NTRK2: variants seen among roughly 807,000 people sequenced by gnomAD.
The protein encoded by NTRK2 is neurotrophic receptor tyrosine kinase 2.
A neutral mutation model predicts 94.5 loss-of-function variants in NTRK2; 13 were observed. That is an observed-to-expected ratio of 0.14 (90% CI 0.09 to 0.22). NTRK2 has a LOEUF of 0.22. Ranked by LOEUF, NTRK2 falls within the 10% of genes least tolerant of loss-of-function variation. NTRK2 has a pLI of 1.00. For synonymous variants in NTRK2, 372 were observed against 407.4 expected (o/e 0.91, Z 1.05); for missense variants, 639 against 1,071.2 (o/e 0.60, Z 5.63).
intron 17 of NTRK2, among the ~76,000 whole-genome samples, chr9:85,011,703 T>C (rs1226642802): frequency 1.3e-5 from 2 of 152,198 alleles, no homozygotes; most frequent in Non-Finnish European, 2.9e-5. Flanking sequence ...TCTGTTGGTC[T>C]GTGGAACTTT....
At chr9:84,979,235 T>G (rs1328038431) in intron 17 of NTRK2, among the ~76,000 whole-genome samples, 2 of 152,246 alleles carry the variant, frequency 1.3e-5, no homozygotes, top group East Asian at 3.8e-4. Flanking sequence ...CTGGAACATA[T>G]TCCCCATTCT....
At chr9:84,981,004 C>T (rs1289928448) in intron 17 of NTRK2, among the ~76,000 whole-genome samples, 1 of 152,198 alleles carries the variant, frequency 6.6e-6, no homozygotes, top group East Asian at 1.9e-4. Context: ...ATGGCAAAAT[C>T]AACCAGATTT....
intron 14 of NTRK2, among the ~76,000 whole-genome samples, chr9:84,880,334 C>A (rs891083284): frequency 6.6e-6 from 1 of 152,164 alleles, no homozygotes; most frequent in African/African-American, 2.4e-5. Context: ...TGGGCAGGGT[C>A]ACCCTGTACA....
chr9:84,879,145 AGAGAGAGAGACAGAGAGAGAGT>A (rs2076179536), intron 14 of NTRK2, among the ~76,000 whole-genome samples: 2 of 152,104 alleles, frequency 1.3e-5, no homozygotes, highest in Admixed American at 1.3e-4. Context: ...AAAGAGAGAG[AGAGAGAGAGACAGAGAGAGAGT>A]GAGAGAGAGA....
chr9:84,727,988 G>A, intron 9 of NTRK2, 29 bp downstream of exon 9: 1 of 1,601,864 alleles, frequency 6.2e-7, no homozygotes. Context: ...TGTATGTGGG[G>A]AGAAGATAAA....
At chr9:84,816,414 C>T (rs1181974824) in intron 12 of NTRK2, among the ~76,000 whole-genome samples, 2 of 152,088 alleles carry the variant, frequency 1.3e-5, no homozygotes, top group Non-Finnish European at 2.9e-5. Flanking sequence ...CTAAATCAGA[C>T]TTAGGGATTG....
chr9:84,759,177 TC>T (rs1230408796), intron 12 of NTRK2, among the ~76,000 whole-genome samples: 1 of 152,216 alleles, frequency 6.6e-6, no homozygotes, highest in African/African-American at 2.4e-5. Flanking sequence ...GTCCAAGTGT[TC>T]CTTTTCTGTT....
intron 16 of NTRK2, among the ~76,000 whole-genome samples, chr9:84,948,968 A>G (rs760119647): frequency 1.7e-4 from 26 of 152,342 alleles, no homozygotes; most frequent in Non-Finnish European, 2.9e-4. Flanking sequence ...GTGTTATTAA[A>G]GGCAAAGGAA....
chr9:84,711,400 C>T (rs1048277309), intron 6 of NTRK2, among the ~76,000 whole-genome samples: 5 of 152,122 alleles, frequency 3.3e-5, no homozygotes, highest in African/African-American at 1.2e-4. Context: ...AAAAGGGCAC[C>T]GAATGGCAAA....
intron 12 of NTRK2, among the ~76,000 whole-genome samples, chr9:84,798,401 G>A (rs1196599978): frequency 6.6e-6 from 1 of 152,114 alleles, no homozygotes; most frequent in Admixed American, 6.6e-5. Context: ...AATGGGTTCT[G>A]TTTCTGTCTT....
chr9:84,743,341 A>T (rs926830597), intron 10 of NTRK2, among the ~76,000 whole-genome samples: 5 of 152,040 alleles, frequency 3.3e-5, no homozygotes, highest in Non-Finnish European at 7.4e-5. Flanking sequence ...TTTTATATTT[A>T]TATATATTGA....
At chr9:84,707,306 G>A (rs1251778275) in intron 4 of NTRK2, among the ~76,000 whole-genome samples, 2 of 152,124 alleles carry the variant, frequency 1.3e-5, no homozygotes, top group Non-Finnish European at 2.9e-5. Context: ...GTGGAGGTAT[G>A]CGGTTATTTA....
At chr9:84,915,277 C>T (rs1423088970) in intron 14 of NTRK2, among the ~76,000 whole-genome samples, 1 of 152,074 alleles carries the variant, frequency 6.6e-6, no homozygotes, top group Non-Finnish European at 1.5e-5. Flanking sequence ...TTTGTTTGGC[C>T]CCACCAAGTC....
At chr9:84,802,567 C>T (rs2070622357) in intron 12 of NTRK2, among the ~76,000 whole-genome samples, 1 of 152,156 alleles carries the variant, frequency 6.6e-6, no homozygotes, top group Non-Finnish European at 1.5e-5. Context: ...AAAATGAGCT[C>T]TTTGAGCAAA....
chr9:84,739,710 C>T (rs1210934781), intron 9 of NTRK2, among the ~76,000 whole-genome samples: 4 of 152,078 alleles, frequency 2.6e-5, no homozygotes, highest in African/African-American at 9.7e-5. Flanking sequence ...GTGGCCAACT[C>T]CTCCCAGGCT....
rs1587831850 is a variant in NTRK2 at position 84,888,272 on chromosome 9, C to T, written c.1633+20841C>T. Among the ~76,000 whole-genome samples, 5 of 152,232 alleles carry T rather than the reference C, an allele frequency of 3.3e-5. 1 individual carries two copies. The South Asian group carries it at 1.0e-3, about 32-fold the overall frequency. ...CCACATACGTTATCTCAGCTAAACT[C>T]CACCTTCAGGCAATTTCTTATAGAT... On this transcript the variant is annotated intron_variant, in intron 14 of 18. Coordinates refer to ENST00000277120, the MANE Select transcript of NTRK2 (RefSeq NM_006180.6).
intron 14 of NTRK2, among the ~76,000 whole-genome samples, chr9:84,905,979 C>T (rs2077064057): frequency 6.6e-6 from 1 of 152,116 alleles, no homozygotes; most frequent in South Asian, 2.1e-4. Context: ...TGAGTGGAAG[C>T]TCAGGCTTGG....
At chr9:84,983,634 G>A (rs1465686442) in intron 17 of NTRK2, among the ~76,000 whole-genome samples, 1 of 152,202 alleles carries the variant, frequency 6.6e-6, no homozygotes, top group Non-Finnish European at 1.5e-5. Flanking sequence ...AGCTGTGGGA[G>A]CCTTGATCCC....
At chr9:84,941,526 C>T (rs2078408714) in intron 15 of NTRK2, among the ~76,000 whole-genome samples, 1 of 152,192 alleles carries the variant, frequency 6.6e-6, no homozygotes. Flanking sequence ...ATTCATTTCA[C>T]ACTTTTGTAT....
Sources: gnomAD v4.1 joint callset for allele counts (sites outside exome capture counted in the v4.1 genomes callset) on GRCh38, gnomAD v4.1.1 for gene constraint, MANE v1.5 for transcripts, NCBI Gene and HGNC (gene_info 2026-07-23, HGNC 2026-07-21) for gene names.